SLC2A13: variants seen among roughly 807,000 people sequenced by gnomAD.
SLC2A13 encodes proton myo-inositol cotransporter.
A neutral mutation model predicts 64.4 loss-of-function variants in SLC2A13; 32 were observed. That is an observed-to-expected ratio of 0.50 (90% CI 0.37 to 0.67). SLC2A13 has a LOEUF of 0.67. SLC2A13 is among the 30% of genes least tolerant of loss of function. The probability of loss-of-function intolerance (pLI) is 0.00; values close to 1 mark genes in which losing one functional copy is unlikely to be tolerated. For missense variants in SLC2A13, 743 were observed against 829.2 expected (o/e 0.90, Z 1.28); for synonymous variants, 338 against 327.1 (o/e 1.03, Z -0.36).
chr12:40,055,089 T>G (rs1341931401), intron 1 of SLC2A13, among the ~76,000 whole-genome samples: 1 of 152,216 alleles, frequency 6.6e-6, no homozygotes, highest in Non-Finnish European at 1.5e-5. Flanking sequence ...ATGTTTACAT[T>G]TTTTCCAAAC....
intron 4 of SLC2A13, among the ~76,000 whole-genome samples, chr12:39,933,592 A>C (rs949375586): frequency 1.3e-5 from 2 of 152,222 alleles, no homozygotes; most frequent in East Asian, 1.9e-4. Context: ...GTAGTAGTAC[A>C]TCTATGTCAT....
intron 1 of SLC2A13, among the ~76,000 whole-genome samples, chr12:40,093,707 A>T (rs570597991): frequency 2.6e-5 from 4 of 151,584 alleles, no homozygotes; most frequent in Non-Finnish European, 4.4e-5. Context: ...CAGCAGAGGA[A>T]ACCGCCCATA....
chr12:39,834,467 T>C (rs1942950270), intron 6 of SLC2A13, among the ~76,000 whole-genome samples: 1 of 152,086 alleles, frequency 6.6e-6, no homozygotes, highest in Non-Finnish European at 1.5e-5. Context: ...AGTTATTTTC[T>C]TCCCTTTATC....
At chr12:39,904,018 G>A (rs1057011657) in intron 4 of SLC2A13, among the ~76,000 whole-genome samples, 9 of 151,976 alleles carry the variant, frequency 5.9e-5, no homozygotes, top group African/African-American at 1.9e-4. Context: ...TGTCTGTGTC[G>A]GAGGTGCCCA....
At chr12:40,080,461 GCTCACTGCAAC>G (rs1332189244) in intron 1 of SLC2A13, among the ~76,000 whole-genome samples, 4 of 152,164 alleles carry the variant, frequency 2.6e-5, no homozygotes, top group Non-Finnish European at 5.9e-5. Flanking sequence ...TGCCATCTCA[GCTCACTGCAAC>G]CTCTGCCTCC....
intron 2 of SLC2A13, among the ~76,000 whole-genome samples, chr12:40,038,368 T>C (rs1948024201): frequency 6.6e-6 from 1 of 152,188 alleles, no homozygotes. Context: ...TTTCATTTAT[T>C]TATTTAATAA....
At chr12:39,818,344 A>G (rs1942398361) in intron 7 of SLC2A13, among the ~76,000 whole-genome samples, 1 of 151,740 alleles carries the variant, frequency 6.6e-6, no homozygotes, top group African/African-American at 2.4e-5. Context: ...CTTAATTTCT[A>G]TTTAAAGAAG....
chr12:39,780,355 T>C (rs1285269692), intron 7 of SLC2A13, among the ~76,000 whole-genome samples: 1 of 152,184 alleles, frequency 6.6e-6, no homozygotes, highest in Non-Finnish European at 1.5e-5. Flanking sequence ...TCTTACTTTT[T>C]ATGGAATTTG....
chr12:40,031,305 C>T (rs1947900635), intron 2 of SLC2A13, among the ~76,000 whole-genome samples: 1 of 149,836 alleles, frequency 6.7e-6, no homozygotes, highest in Admixed American at 6.6e-5. Context: ...TCACTGCAAC[C>T]TCCGCCTCCC....
intron 4 of SLC2A13, 85 bp downstream of exon 4, chr12:39,951,172 T>C: frequency 8.5e-7 from 1 of 1,171,770 alleles, no homozygotes. Context: ...CTGAGTCTAG[T>C]ATTTACATGA....
chr12:39,848,838 T>C (rs1039667762), intron 6 of SLC2A13, among the ~76,000 whole-genome samples: 4 of 152,156 alleles, frequency 2.6e-5, no homozygotes, highest in Admixed American at 1.3e-4. Flanking sequence ...ATATTATGCA[T>C]CCATAAAAAA....
Position 39,871,861 on chromosome 12 carries a change from G to A in SLC2A13, c.1135C>T (p.Leu379Phe), listed in dbSNP as rs780188266. ...VTAFTNFIFTLVGVWLVEKVG... is the reference protein window; with the variant it reads ...VTAFTNFIFTFVGVWLVEKVG... ...TTCTCAACAAGCCAGACTCCCACAA[G>A]TGTGAAAATGAAATTTGTGAAGGCT... Residue 379 changes from leucine (L) to phenylalanine (F), a missense_variant, in exon 5 of 10, where the codon CTT becomes TTT. Physicochemically the swap from Leu to Phe is conservative, Grantham distance 22 (BLOSUM62 0). This residue lies in a region of SLC2A13 where 295 missense variants were observed against 381.7 expected (regional missense o/e 0.77). Transcript: ENST00000280871. 3.1e-6 allele frequency: 5 copies of A among 1,612,604 alleles called. No individual in the cohort carries two copies. The South Asian group carries it at 3.3e-5, about 11-fold the overall frequency.
rs1408476698 is a variant in SLC2A13 at position 40,081,409 on chromosome 12, T to G, written c.556+23844A>C. ...TTTGTTCATTTTTATTTTTTTTATT[T>G]TGTCCAACTGAGTTGATTCAAAGAA... On this transcript the variant is annotated intron_variant, in intron 1 of 9. Coordinates refer to ENST00000280871, the MANE Select transcript of SLC2A13 (RefSeq NM_052885.4). 2.0e-5 allele frequency among the ~76,000 whole-genome samples: 3 copies of G among 152,348 alleles called. No individual in the cohort carries two copies. In the East Asian group the frequency reaches 5.8e-4, roughly 29 times the overall value.
chr12:39,896,063 C>A (rs1350376372), intron 4 of SLC2A13, among the ~76,000 whole-genome samples: 2 of 106,476 alleles, frequency 1.9e-5, no homozygotes, highest in African/African-American at 7.6e-5. Flanking sequence ...TATATGCATA[C>A]ATATATGTAT....
intron 4 of SLC2A13, among the ~76,000 whole-genome samples, chr12:39,906,136 GAAC>G (rs1565535314): frequency 1.5e-3 from 2 of 1,294 alleles, no homozygotes; most frequent in African/African-American, 3.3e-3. Context: ...ACAGAACTTT[GAAC>G]TTTGTTTTCA....
intron 3 of SLC2A13, among the ~76,000 whole-genome samples, chr12:39,966,420 G>A (rs1946517935): frequency 6.6e-6 from 1 of 151,952 alleles, no homozygotes. Flanking sequence ...TTAATTCACA[G>A]ACACATGCCC....
intron 3 of SLC2A13, among the ~76,000 whole-genome samples, chr12:39,978,840 C>A (rs1946823311): frequency 6.6e-6 from 1 of 151,782 alleles, no homozygotes; most frequent in Non-Finnish European, 1.5e-5. Context: ...GGAGGCCTGC[C>A]TGCCTCTGTA....
At chr12:40,016,208 A>G (rs1236693957) in intron 3 of SLC2A13, among the ~76,000 whole-genome samples, 1 of 152,134 alleles carries the variant, frequency 6.6e-6, no homozygotes, top group East Asian at 1.9e-4. Flanking sequence ...CCAAAAAAAA[A>G]CTACTCTTGA....
chr12:40,097,733 T>C (rs1001911700), intron 1 of SLC2A13, among the ~76,000 whole-genome samples: 1 of 152,050 alleles, frequency 6.6e-6, no homozygotes, highest in Non-Finnish European at 1.5e-5. Flanking sequence ...ACAACAAATA[T>C]TGGTGGGAAT....
Sources: allele counts gnomAD v4.1 joint callset (sites outside exome capture counted in the v4.1 genomes callset), GRCh38; gene constraint gnomAD v4.1.1; regional missense constraint gnomAD v4.1.1; transcripts MANE v1.5; gene names NCBI Gene and HGNC (gene_info 2026-07-23, HGNC 2026-07-21).